Variants in XPR1 observed in about 807,000 individuals in gnomAD.
XPR1 encodes the protein solute carrier family 53 member 1.
Under a neutral mutation model 87.5 loss-of-function variants are expected in XPR1, and 28 were observed. That is an observed-to-expected ratio of 0.32 (90% confidence interval 0.24 to 0.44). XPR1 has a LOEUF of 0.44. XPR1 is among the 20% of genes least tolerant of loss of function. The probability of loss-of-function intolerance (pLI) is 1.00; values close to 1 mark genes in which losing one functional copy is unlikely to be tolerated. For missense variants in XPR1, 559 were observed against 862.3 expected, an observed-to-expected ratio of 0.65 and a Z score of 4.41; for synonymous variants, 300 against 306.1, an observed-to-expected ratio of 0.98 and a Z score of 0.21.
At position 180,682,369 on chromosome 1, in the gene XPR1, G is replaced by T. The variant is rs1377491987; in HGVS notation, c.79G>T (p.Asp27Tyr). ...TCTTTCTTTCTAATAGGCTTTCAAG[G>T]ATATGCTGTATTCAGCTCAGGACCA... ...KQYIQYEAFK[D>Y]MLYSAQDQAP... is the part of the protein sequence containing the mutation. The change falls in exon 2 of 15, where the codon GAT becomes TAT. Residue 27 changes from aspartate to tyrosine, a missense_variant. Asp to Tyr is a radical substitution (Grantham distance 160). Around this residue, in one of 7 missense-constraint regions of XPR1, gnomAD observed 159 missense variants for 263.3 expected, o/e 0.60. Transcript: ENST00000367590. The T allele has an allele frequency of 1.9e-6, 3 of 1,600,394 alleles. No homozygotes were observed. In the East Asian group the frequency reaches 6.8e-5, roughly 36 times the overall value.
chr1:180,818,179 A>G (rs951476315), intron 7 of XPR1, among the ~76,000 whole-genome samples: 1 of 152,184 alleles, frequency 6.6e-6, no homozygotes, highest in Non-Finnish European at 1.5e-5. Context: ...GAGGCTTCTC[A>G]TATTCTTTAT....
intron 2 of XPR1, among the ~76,000 whole-genome samples, chr1:180,761,024 C>T (rs1174784349): frequency 1.3e-5 from 2 of 152,042 alleles, no homozygotes; most frequent in African/African-American, 4.8e-5. Context: ...GAAAGGATTC[C>T]CTATTTAATA....
intron 1 of XPR1, among the ~76,000 whole-genome samples, chr1:180,655,398 CTCTT>C (rs1367579108): frequency 4.7e-4 from 67 of 142,752 alleles, no homozygotes; most frequent in African/African-American, 1.6e-3. Context: ...CTCTCTCTCT[CTCTT>C]TTTTTTTTTT....
At chr1:180,814,466 C>T (rs1650331851) in intron 7 of XPR1, among the ~76,000 whole-genome samples, 1 of 152,182 alleles carries the variant, frequency 6.6e-6, no homozygotes, top group Admixed American at 6.5e-5. Context: ...GTTTCAGTTT[C>T]AGCTCCACTG....
intron 1 of XPR1, among the ~76,000 whole-genome samples, chr1:180,656,332 TATA>T (rs1413879339): frequency 8.7e-6 from 1 of 115,440 alleles, no homozygotes; most frequent in Admixed American, 1.3e-4. Flanking sequence ...TATTTATATA[TATA>T]ATATTTATAT....
chr1:180,873,697 T>C, intron 12 of XPR1, 106 bp from the exon 13 acceptor site: 3 of 1,256,298 alleles, frequency 2.4e-6, no homozygotes, highest in Non-Finnish European at 2.2e-6. Flanking sequence ...CCTGTGCTTA[T>C]TCGTAGGACA....
At chr1:180,866,488 A>C (rs1345287613) in intron 12 of XPR1, among the ~76,000 whole-genome samples, 1 of 152,082 alleles carries the variant, frequency 6.6e-6, no homozygotes. Context: ...AGATAAGTGT[A>C]TTCCTCCTGA....
chr1:180,727,513 A>G (rs879233086), intron 2 of XPR1, among the ~76,000 whole-genome samples: 1 of 152,124 alleles, frequency 6.6e-6, no homozygotes, highest in Non-Finnish European at 1.5e-5. Context: ...GCGTGGTGGC[A>G]GATGCCTGTA....
intron 2 of XPR1, among the ~76,000 whole-genome samples, chr1:180,779,354 T>A (rs1416378904): frequency 6.6e-6 from 1 of 152,184 alleles, no homozygotes; most frequent in Non-Finnish European, 1.5e-5. Context: ...ATTCATCATA[T>A]CCCTAGCATT....
chr1:180,781,991 T>C (rs889114771), intron 2 of XPR1, among the ~76,000 whole-genome samples: 8 of 152,032 alleles, frequency 5.3e-5, no homozygotes, highest in African/African-American at 1.9e-4. Flanking sequence ...AAGACAATTA[T>C]AGAGATGACA....
At chr1:180,866,084 C>T (rs1652379755) in intron 12 of XPR1, among the ~76,000 whole-genome samples, 2 of 152,026 alleles carry the variant, frequency 1.3e-5, no homozygotes, top group Admixed American at 6.5e-5. Context: ...TGGTGGCACA[C>T]GCCTGTAGCC....
intron 3 of XPR1, among the ~76,000 whole-genome samples, chr1:180,796,892 A>G (rs948455290): frequency 6.6e-6 from 1 of 152,236 alleles, no homozygotes; most frequent in Admixed American, 6.5e-5. Context: ...TCATCCTGCT[A>G]AGTTAAAGAA....
chr1:180,861,870 A>G (rs1305425113), intron 11 of XPR1, among the ~76,000 whole-genome samples: 3 of 152,112 alleles, frequency 2.0e-5, no homozygotes, highest in East Asian at 1.9e-4. Flanking sequence ...TACTAAGATG[A>G]TAACACTGAA....
intron 2 of XPR1, among the ~76,000 whole-genome samples, chr1:180,785,190 C>T (rs1649095174): frequency 6.6e-6 from 1 of 151,900 alleles, no homozygotes; most frequent in Non-Finnish European, 1.5e-5. Flanking sequence ...TGCTCTGTCA[C>T]CCAGGCTGGA....
intron 2 of XPR1, among the ~76,000 whole-genome samples, chr1:180,684,598 T>C (rs558597162): frequency 1.1e-3 from 164 of 152,280 alleles, no homozygotes; most frequent in African/African-American, 3.8e-3. Flanking sequence ...ATTTTCACAA[T>C]ATTGATTCTT....
intron 2 of XPR1, among the ~76,000 whole-genome samples, chr1:180,709,730 T>TA (rs1657696466): frequency 6.6e-6 from 1 of 152,196 alleles, no homozygotes; most frequent in Non-Finnish European, 1.5e-5. Flanking sequence ...AATGTGGTGT[T>TA]ACCTCGTTGT....
At chr1:180,740,512 A>G (rs1298311656) in intron 2 of XPR1, among the ~76,000 whole-genome samples, 2 of 151,984 alleles carry the variant, frequency 1.3e-5, no homozygotes, top group Admixed American at 1.3e-4. Flanking sequence ...ATCTACTCCC[A>G]CTAGGTTGTG....
intron 2 of XPR1, among the ~76,000 whole-genome samples, chr1:180,767,210 C>T (rs922132851): frequency 6.6e-6 from 1 of 152,096 alleles, no homozygotes; most frequent in African/African-American, 2.4e-5. Context: ...GTAAACTTTC[C>T]AGCTTAAAAG....
chr1:180,880,317 C>G lies in XPR1; in HGVS notation c.2030+20C>G. ...TTCTCAGTATGTATGGCTTCTACTT[C>G]TGTGAGGCATATTTCCTTTGAGTTT... is the stretch of plus-strand genomic sequence containing the variant. On this transcript the variant is annotated intron_variant, in intron 14 of 14. Transcript: ENST00000367590. The G allele has an allele frequency of 6.2e-7, 1 of 1,612,950 alleles. No individual in the cohort carries two copies. Among genetic ancestry groups the G allele is most frequent in the Non-Finnish European group, 8.5e-7 (1 of 1,178,992 alleles).
Sources: gnomAD v4.1 joint callset for allele counts (sites outside exome capture counted in the v4.1 genomes callset) on GRCh38, gnomAD v4.1.1 for gene constraint, gnomAD v4.1.1 regional missense constraint, MANE v1.5 for transcripts, NCBI Gene and HGNC (gene_info 2026-07-23, HGNC 2026-07-21) for gene names.